The following RPS27A variants were observed in gnomAD, a reference collection of about 807,000 sequenced individuals.
The protein encoded by RPS27A is ribosomal protein S27a, also known as ubiquitin-ribosomal protein eS31 fusion protein.
In RPS27A, 1 loss-of-function variant was observed where a neutral mutation model predicts 18.9. The observed-to-expected ratio is 0.05, with a 90% CI of 0.02 to 0.25. The LOEUF (loss-of-function observed/expected upper bound fraction) is 0.25. Among genes scored for constraint, RPS27A ranks in the 10% least tolerant of loss-of-function variants. The pLI is 1.00. For missense variants in RPS27A, 123 were observed against 187.4 expected (o/e 0.66, Z 2.01); for synonymous variants, 77 against 63.7 (o/e 1.21, Z -0.99).
intron 3 of RPS27A, 46 bp downstream of exon 3, chr2:55,233,463 C>T (rs768513949): frequency 2.1e-6 from 3 of 1,447,652 alleles, no homozygotes; most frequent in Non-Finnish European, 2.9e-6. Flanking sequence ...GCGGAGACTT[C>T]GGCCTACCTG....
At chr2:55,233,052 G>C in intron 2 of RPS27A, 180 bp downstream of exon 2, 1 of 688,992 alleles carries the variant, frequency 1.5e-6, no homozygotes, top group Non-Finnish European at 2.7e-6. Context: ...GGTGGCCAAA[G>C]GCTGGACCTG....
upstream of RPS27A, chr2:55,232,677 C>G (rs1031251521): frequency 3.5e-5 from 27 of 765,250 alleles, no homozygotes; most frequent in Admixed American, 1.0e-4. Context: ...TGGGCCTGCG[C>G]GGCGTTCTTC....
intron 3 of RPS27A, 87 bp downstream of exon 3, chr2:55,233,504 GGGGGAA>G: frequency 1.1e-6 from 1 of 905,478 alleles, no homozygotes. Flanking sequence ...TCTTGGTGAT[GGGGGAA>G]GGGGTCAGAT....
intron 4 of RPS27A, 200 bp from the exon 5 acceptor site, chr2:55,234,631 C>G: frequency 6.3e-6 from 4 of 634,464 alleles, no homozygotes; most frequent in Non-Finnish European, 1.1e-5. Flanking sequence ...AAGTTGTATC[C>G]CATGGTGTAA....
upstream of RPS27A, chr2:55,232,564 T>A (rs530130314): frequency 5.4e-5 from 31 of 568,946 alleles, no homozygotes; most frequent in South Asian, 6.1e-4. Context: ...GAAGTTCACG[T>A]CCTAGTCTGG....
chr2:55,232,747 C>G (rs1675534809), intron 1 of RPS27A, 39 bp downstream of exon 1: 2 of 1,336,868 alleles, frequency 1.5e-6, no homozygotes, highest in South Asian at 1.2e-5. Context: ...GGTTAGCACC[C>G]TATGGTGCCT....
intron 2 of RPS27A, 172 bp from the exon 3 acceptor site, chr2:55,233,191 A>G (rs979441065): frequency 5.7e-6 from 4 of 703,566 alleles, no homozygotes; most frequent in Middle Eastern, 4.8e-4. Context: ...TGGGGAGATG[A>G]AGGTGCTTTC....
intron 4 of RPS27A, 146 bp downstream of exon 4, chr2:55,234,350 C>T: frequency 2.9e-6 from 2 of 679,104 alleles, no homozygotes; most frequent in South Asian, 3.4e-5. Flanking sequence ...CTCTCAGACT[C>T]AGGTGGTCCT....
chr2:55,233,061 T>C (rs1297812786), intron 2 of RPS27A, 189 bp downstream of exon 2: 2 of 678,436 alleles, frequency 2.9e-6, no homozygotes. Flanking sequence ...AGGCTGGACC[T>C]GTCTCCTCTC....
chr2:55,234,263 T>A, intron 4 of RPS27A, 59 bp downstream of exon 4: 2 of 1,300,694 alleles, frequency 1.5e-6, no homozygotes, highest in Admixed American at 3.4e-5. Context: ...GGAAATTTTT[T>A]ATTTTACTTT....
At chr2:55,233,053 G>T (rs1342061800) in intron 2 of RPS27A, 181 bp downstream of exon 2, 1 of 689,188 alleles carries the variant, frequency 1.5e-6, no homozygotes, top group African/African-American at 1.8e-5. Flanking sequence ...GTGGCCAAAG[G>T]CTGGACCTGT....
At chr2:55,233,463 C>A (rs768513949) in intron 3 of RPS27A, 46 bp downstream of exon 3, 22 of 1,447,532 alleles carry the variant, frequency 1.5e-5, no homozygotes, top group East Asian at 9.1e-5. Context: ...GCGGAGACTT[C>A]GGCCTACCTG....
At chr2:55,233,929 C>A in intron 3 of RPS27A, 190 bp from the exon 4 acceptor site, 2 of 643,496 alleles carry the variant, frequency 3.1e-6, no homozygotes, top group South Asian at 1.8e-5. Flanking sequence ...TGCAGACAAC[C>A]AAGTATTGTC....
Position 55,232,837 on chromosome 2 carries a change from G to C in RPS27A, c.13G>C (p.Val5Leu), listed in dbSNP as rs772158174. ...AGCCGCCACCAAAATGCAGATTTTCGTGAAAACCCTTACGGGGAAGACCAT... is the reference window on the plus strand; with the variant it reads ...AGCCGCCACCAAAATGCAGATTTTCCTGAAAACCCTTACGGGGAAGACCAT... MQIF[V>L]KTLTGKTITL... The change falls in exon 2 of 6, where the codon GTG becomes CTG. Residue 5 changes from valine (V) to leucine (L), a missense_variant. By Grantham distance (32) the Val-to-Leu change is conservative. This residue lies in a region of RPS27A where 66 missense variants were observed against 72.6 expected (regional missense o/e 0.91). Transcript: ENST00000272317. The C allele has an allele frequency of 6.2e-7, 1 of 1,613,162 alleles. No individual in the cohort carries two copies. Among genetic ancestry groups the C allele is most frequent in the East Asian group, 2.2e-5 (1 of 44,864 alleles).
chr2:55,234,197 T>C lies in RPS27A; in HGVS notation c.182T>C (p.Ile61Thr). ...EDGRTLSDYN[I>T]QKESTLHLVL... is the part of the protein sequence containing the mutation. Reference sequence around the variant, plus strand: ...GGACGTACTTTGTCTGACTACAATATTCAAAAGGTCTGTCTAGGGGAAGAG... The same window carrying C: ...GGACGTACTTTGTCTGACTACAATACTCAAAAGGTCTGTCTAGGGGAAGAG... Residue 61 changes from isoleucine (I) to threonine (T), a missense_variant, in exon 4 of 6, where the codon ATT (isoleucine) becomes ACT (threonine). Coordinates refer to ENST00000272317, the MANE Select transcript of RPS27A (RefSeq NM_002954.6). 6.2e-7 allele frequency: 1 copy of C among 1,604,476 alleles called. No individual in the cohort carries two copies. The highest frequency in any genetic ancestry group is 8.5e-7 in the Non-Finnish European group (1 of 1,171,226).
At position 55,233,636 on chromosome 2, in the gene RPS27A, A is replaced by AT. The variant is rs143340526; in HGVS notation, c.103+222dup. The AT allele has an allele frequency of 1.8e-3, 1,037 of 569,526 alleles. 5 individuals are homozygous for AT. Among genetic ancestry groups the AT allele is most frequent in the African/African-American group, 0.011 (602 of 53,444 alleles). 35.3% of individuals were successfully genotyped at this position (569,526 alleles called of 1,614,324 possible). ...CTTGCGTGAATTTGGACACTTATTT[A>AT]TTTATTTTGTGTGAGATGGAGTCTC... On this transcript the variant is annotated intron_variant, in intron 3 of 5. Coordinates refer to ENST00000272317, the MANE Select transcript of RPS27A (RefSeq NM_002954.6).
intron 2 of RPS27A, 133 bp downstream of exon 2, chr2:55,233,005 G>T (rs1444962987): frequency 1.2e-6 from 1 of 818,292 alleles, no homozygotes; most frequent in Non-Finnish European, 2.1e-6. Flanking sequence ...TTTGAAATGA[G>T]TACCTTTTGC....
At chr2:55,233,657 G>GTC (rs1675622683) in intron 3 of RPS27A, 1 of 537,582 alleles carries the variant, frequency 1.9e-6, no homozygotes, top group Non-Finnish European at 3.4e-6. Flanking sequence ...GTGAGATGGA[G>GTC]TCTCCTCTGT....
rs80273115 is a variant in RPS27A at position 55,233,917 on chromosome 2, A to G, written c.104-202A>G. The G allele has an allele frequency of 0.13, 81,511 of 625,510 alleles. 6,320 individuals are homozygous for G. Among genetic ancestry groups the G allele is most frequent in the East Asian group, 0.26 (9,487 of 35,860 alleles). The allele number at this position is 625,510 out of a possible 1,614,324, so 38.7% of individuals were successfully genotyped here. On this transcript the variant is annotated intron_variant, in intron 3 of 5. Coordinates refer to ENST00000272317, the MANE Select transcript of RPS27A (RefSeq NM_002954.6). Reference sequence around the variant, plus strand: ...AGTATTGGTATTACAGGTGTCAGCCACTGCAGACAACCAAGTATTGTCCCT... The same window carrying G: ...AGTATTGGTATTACAGGTGTCAGCCGCTGCAGACAACCAAGTATTGTCCCT...
Sources: allele counts gnomAD v4.1 joint callset, GRCh38; gene constraint gnomAD v4.1.1; regional missense constraint gnomAD v4.1.1; transcripts MANE v1.5; gene names NCBI Gene and HGNC (gene_info 2026-07-23, HGNC 2026-07-21).